KIRREL3: variants seen among roughly 807,000 people sequenced by gnomAD.
KIRREL3 encodes the protein kin of IRRE-like protein 3.
KIRREL3 carries 36 observed loss-of-function variants against 89.7 expected under a neutral mutation model. That is an observed-to-expected ratio of 0.40 (90% CI 0.31 to 0.53). KIRREL3 has a LOEUF of 0.53. Among genes scored for constraint, KIRREL3 ranks in the 20% least tolerant of loss-of-function variants. The pLI is 0.49. For missense variants in KIRREL3, 864 were observed against 1,056.6 expected, an observed-to-expected ratio of 0.82 and a Z score of 2.53; for synonymous variants, 445 against 441.4, an observed-to-expected ratio of 1.01 and a Z score of -0.10.
chr11:126,876,295 A>G lies in KIRREL3; in HGVS notation c.55+124160T>C, dbSNP rs1242216594. Among the ~76,000 whole-genome samples, 18 of 152,198 alleles carry G rather than the reference A, an allele frequency of 1.2e-4. No individual in the cohort carries two copies. Among genetic ancestry groups the G allele is most frequent in the Admixed American group, 1.2e-3 (18 of 15,276 alleles). ...AGAAACAGATCTGCTGGAGGCAACG[A>G]TCTCTAGACTCAGTTTCTCAGCCTG... On this transcript the variant is annotated intron_variant, in intron 1 of 16. Coordinates refer to ENST00000525144, the MANE Select transcript of KIRREL3 (RefSeq NM_032531.4). The surrounding 1 kb of genome is among the most constrained non-coding windows in gnomAD (Gnocchi z 4.1).
At chr11:126,450,627 G>A in intron 7 of KIRREL3, among the ~76,000 whole-genome samples, 1 of 150,600 alleles carries the variant, frequency 6.6e-6, no homozygotes, top group South Asian at 2.1e-4. Context: ...GCGAGCATGT[G>A]CATGTGGGAG....
chr11:126,579,201 G>A lies in KIRREL3; in HGVS notation c.56-16289C>T, dbSNP rs987163982. Among the ~76,000 whole-genome samples the A allele has an allele frequency of 7.2e-5, 11 of 152,096 alleles. No individual in the cohort carries two copies. The highest frequency in any genetic ancestry group is 2.4e-4 in the African/African-American group (10 of 41,434). ...CGTCTAAAACAGATGACGCTGGTGC[G>A]GGCCCCAGGGAGTTCCACCAAGAGC... On this transcript the variant is annotated intron_variant, in intron 1 of 16. Transcript: ENST00000525144. The surrounding 1 kb of genome is among the most constrained non-coding windows in gnomAD (Gnocchi z 5.3).
chr11:126,727,890 G>T (rs1948454435), intron 1 of KIRREL3, among the ~76,000 whole-genome samples: 1 of 152,014 alleles, frequency 6.6e-6, no homozygotes, highest in East Asian at 1.9e-4. Context: ...GTGGGATGCG[G>T]ATCAGAAGCC....
rs946036974 is a variant in KIRREL3 at position 126,744,651 on chromosome 11, C to T, written c.56-181739G>A. ...AGAGCCTTTCCAGGCTAAGCCAGGG[C>T]TCCCTGGCGTGTGCCCCATGGTGCT... On this transcript the variant is annotated intron_variant, in intron 1 of 16. Transcript: ENST00000525144. This position sits in a 1 kb window ranked among gnomAD's most constrained non-coding sequence, Gnocchi z 4.7. Among the ~76,000 whole-genome samples the T allele has an allele frequency of 6.6e-6, 1 of 152,184 alleles. No homozygotes were observed. Among genetic ancestry groups the T allele is most frequent in the Admixed American group, 6.5e-5 (1 of 15,286 alleles).
At position 126,627,978 on chromosome 11, in the gene KIRREL3, C is replaced by G. The variant is rs896319982; in HGVS notation, c.56-65066G>C. Among the ~76,000 whole-genome samples, 11 of 152,348 alleles carry G rather than the reference C, an allele frequency of 7.2e-5. No homozygotes were observed. Among genetic ancestry groups the G allele is most frequent in the Admixed American group, 6.5e-4 (10 of 15,314 alleles). ...AGGCTCGGTCTCCTGGTTTGAGAAA[C>G]AGGAATGATCCCAGCTCTACCTATC... On this transcript the variant is annotated intron_variant, in intron 1 of 16. Transcript: ENST00000525144. This position sits in a 1 kb window ranked among gnomAD's most constrained non-coding sequence, Gnocchi z 5.0.
At chr11:126,819,156 AG>A (rs1413329447) in intron 1 of KIRREL3, among the ~76,000 whole-genome samples, 2 of 152,262 alleles carry the variant, frequency 1.3e-5, no homozygotes, top group East Asian at 1.9e-4. Context: ...ATGACATCAG[AG>A]GGTGGCAAAT....
intron 5 of KIRREL3, among the ~76,000 whole-genome samples, chr11:126,472,523 C>T (rs941579048): frequency 4.6e-5 from 7 of 152,310 alleles, no homozygotes; most frequent in African/African-American, 1.4e-4. Context: ...GCCCCACCTC[C>T]TCATACTTGG....
intron 1 of KIRREL3, among the ~76,000 whole-genome samples, chr11:126,973,142 C>G (rs2135221315): frequency 6.8e-6 from 1 of 148,006 alleles, no homozygotes; most frequent in South Asian, 2.2e-4. Context: ...AGTCCCGAGG[C>G]CAATCTGCAT....
chr11:126,644,033 C>T (rs1276754680), intron 1 of KIRREL3, among the ~76,000 whole-genome samples: 2 of 152,206 alleles, frequency 1.3e-5, no homozygotes, highest in African/African-American at 4.8e-5. Context: ...TATGTGCCTA[C>T]AGTCCAGGCC....
At chr11:126,654,297 T>G (rs1380332922) in intron 1 of KIRREL3, among the ~76,000 whole-genome samples, 1 of 151,424 alleles carries the variant, frequency 6.6e-6, no homozygotes, top group Non-Finnish European at 1.5e-5. Flanking sequence ...GAATGTAAAG[T>G]CAACCCCGAG....
In KIRREL3 at chr11:126,576,142, T is replaced by G. The variant is rs895248515; in HGVS notation, c.56-13230A>C. 2.0e-5 allele frequency among the ~76,000 whole-genome samples: 3 copies of G among 152,216 alleles called. No homozygotes were observed. The highest frequency in any genetic ancestry group is 4.4e-5 in the Non-Finnish European group (3 of 68,042). Reference sequence around the variant, plus strand: ...TACTCTAATGTTCAACAGATTAATATTTGATTTAGCACTGTGTGTCCCTTC... The same window carrying G: ...TACTCTAATGTTCAACAGATTAATAGTTGATTTAGCACTGTGTGTCCCTTC... On this transcript the variant is annotated intron_variant, in intron 1 of 16. Coordinates refer to ENST00000525144, the MANE Select transcript of KIRREL3 (RefSeq NM_032531.4). The surrounding 1 kb of genome is among the most constrained non-coding windows in gnomAD (Gnocchi z 5.4).
At chr11:126,466,288 T>G (rs1399182146) in intron 5 of KIRREL3, among the ~76,000 whole-genome samples, 2 of 152,116 alleles carry the variant, frequency 1.3e-5, no homozygotes, top group African/African-American at 4.8e-5. Context: ...AAAAGGAGGG[T>G]GAGGGGAAGG....
Position 126,896,598 on chromosome 11 carries a change from G to C in KIRREL3, c.55+103857C>G, listed in dbSNP as rs1374197640. 6.8e-6 allele frequency among the ~76,000 whole-genome samples: 1 copy of C among 147,508 alleles called. No homozygotes were observed. The highest frequency in any genetic ancestry group is 2.5e-5 in the African/African-American group (1 of 39,854). On this transcript the variant is annotated intron_variant, in intron 1 of 16. Coordinates refer to ENST00000525144, the MANE Select transcript of KIRREL3 (RefSeq NM_032531.4). The surrounding 1 kb of genome is among the most constrained non-coding windows in gnomAD (Gnocchi z 4.1). ...TCCTAGAAAGCTGTGTAGAGAACGTGGGGCCTGTCCATGGGCTTCAGTGCC... is the reference window on the plus strand; with the variant it reads ...TCCTAGAAAGCTGTGTAGAGAACGTCGGGCCTGTCCATGGGCTTCAGTGCC...
chr11:126,945,886 A>G (rs572112532), intron 1 of KIRREL3, among the ~76,000 whole-genome samples: 1 of 152,326 alleles, frequency 6.6e-6, no homozygotes, highest in Admixed American at 6.5e-5. Context: ...CTTGAGGCCT[A>G]TTAAGGTCCC....
chr11:126,824,513 G>A (rs1437259430), intron 1 of KIRREL3, among the ~76,000 whole-genome samples: 1 of 152,164 alleles, frequency 6.6e-6, no homozygotes, highest in South Asian at 2.1e-4. Context: ...ATTTAAGGAT[G>A]CATGCCCAGG....
rs1395668836 is a variant in KIRREL3 at position 126,551,777 on chromosome 11, C to T, written c.133+11058G>A. Among the ~76,000 whole-genome samples the T allele has an allele frequency of 6.6e-6, 1 of 151,974 alleles. No individual in the cohort carries two copies. Among genetic ancestry groups the T allele is most frequent in the Non-Finnish European group, 1.5e-5 (1 of 68,020 alleles). On this transcript the variant is annotated intron_variant, in intron 2 of 16. Coordinates refer to ENST00000525144, the MANE Select transcript of KIRREL3 (RefSeq NM_032531.4). This position sits in a 1 kb window ranked among gnomAD's most constrained non-coding sequence, Gnocchi z 4.9. ...TCTCCTGCCTCAGCCTCCTGAGTAG[C>T]TGGGATTACAGGCATGCGCCACCAT...
In KIRREL3 at chr11:126,994,574, A is replaced by G. The variant is rs1950124764; in HGVS notation, c.55+5881T>C. On this transcript the variant is annotated intron_variant, in intron 1 of 16. Coordinates refer to ENST00000525144, the MANE Select transcript of KIRREL3 (RefSeq NM_032531.4). This position sits in a 1 kb window ranked among gnomAD's most constrained non-coding sequence, Gnocchi z 5.2. Reference sequence around the variant, plus strand: ...GCTAAATTGCAGTGATATAAAGGAAACACTTATCCAATATTGACATTTACC... The same window carrying G: ...GCTAAATTGCAGTGATATAAAGGAAGCACTTATCCAATATTGACATTTACC... 6.6e-6 allele frequency among the ~76,000 whole-genome samples: 1 copy of G among 152,230 alleles called. No homozygotes were observed. Among genetic ancestry groups the G allele is most frequent in the Non-Finnish European group, 1.5e-5 (1 of 68,044 alleles).
At chr11:126,968,715 T>TA (rs890035157) in intron 1 of KIRREL3, among the ~76,000 whole-genome samples, 1 of 152,256 alleles carries the variant, frequency 6.6e-6, no homozygotes, top group African/African-American at 2.4e-5. Flanking sequence ...TGCCCATTTA[T>TA]AACACGGCAG....
rs113084978 is a variant in KIRREL3, at chr11:126,579,851, A to ATT, written c.56-16941_56-16940dup. 5.0e-3 allele frequency among the ~76,000 whole-genome samples: 731 copies of ATT among 146,722 alleles called. 13 individuals are homozygous for ATT. In the South Asian group the frequency reaches 0.058, roughly 12 times the overall value. ...GGTCCTTAAAAGAGGGAGCCAAGTC[A>ATT]TTTTTTTTTTTTGAGGCAGAGTCTT... On this transcript the variant is annotated intron_variant, in intron 1 of 16. Transcript: ENST00000525144. This position sits in a 1 kb window ranked among gnomAD's most constrained non-coding sequence, Gnocchi z 5.3.
Sources: gnomAD v4.1 joint callset for allele counts (sites outside exome capture counted in the v4.1 genomes callset) on GRCh38, gnomAD v4.1.1 for gene constraint, Gnocchi (gnomAD v3.1) non-coding constraint, MANE v1.5 for transcripts, NCBI Gene and HGNC (gene_info 2026-07-23, HGNC 2026-07-21) for gene names.